Variants in WDR48 observed in about 807,000 individuals in gnomAD.
WDR48 encodes WD repeat domain 48, also known as WD repeat-containing protein 48.
WDR48 carries 22 observed loss-of-function variants against 94.0 expected under a neutral mutation model. That is an observed-to-expected ratio of 0.23 (90% CI 0.17 to 0.33). The LOEUF is 0.33. Ranked by LOEUF, WDR48 falls within the 10% of genes least tolerant of loss-of-function variation. The pLI is 1.00. For missense variants in WDR48, 541 were observed against 813.8 expected, an observed-to-expected ratio of 0.66 and a Z score of 4.08; for synonymous variants, 278 against 280.5, an observed-to-expected ratio of 0.99 and a Z score of 0.09.
chr3:39,065,714 A>G, intron 2 of WDR48, 97 bp from the exon 3 acceptor site: 2 of 832,492 alleles, frequency 2.4e-6, no homozygotes, highest in South Asian at 2.0e-5. Context: ...TGCCTAGAGC[A>G]GTATGTCACA....
At chr3:39,065,697 G>GT (rs2033561247) in intron 2 of WDR48, 114 bp from the exon 3 acceptor site, 2 of 649,892 alleles carry the variant, frequency 3.1e-6, no homozygotes, top group East Asian at 6.5e-5. Context: ...TCAGGTGTTA[G>GT]TTTTAATGCC....
chr3:39,056,782 A>G (rs1423958493), intron 1 of WDR48, among the ~76,000 whole-genome samples: 1 of 152,218 alleles, frequency 6.6e-6, no homozygotes, highest in Admixed American at 6.5e-5. Context: ...TTCTTAAGGT[A>G]TTGGGGATGT....
chr3:39,077,464 C>G (rs1053054519), intron 9 of WDR48, among the ~76,000 whole-genome samples: 3 of 152,160 alleles, frequency 2.0e-5, no homozygotes, highest in African/African-American at 7.2e-5. Flanking sequence ...TTAGAATAGA[C>G]ACTGTTGCCT....
intron 1 of WDR48, among the ~76,000 whole-genome samples, chr3:39,057,305 T>C (rs187851566): frequency 1.4e-4 from 21 of 152,300 alleles, no homozygotes; most frequent in Admixed American, 5.9e-4. Flanking sequence ...CAAAAAGTTA[T>C]AGGATAAGCA....
chr3:39,066,407 C>T (rs1414261047), intron 3 of WDR48, 141 bp from the exon 4 acceptor site: 2 of 705,620 alleles, frequency 2.8e-6, no homozygotes, highest in East Asian at 2.7e-5. Flanking sequence ...ACAATAGGTT[C>T]TAGAAAGAGC....
At chr3:39,078,335 A>T in intron 10 of WDR48, 96 bp downstream of exon 10, 2 of 831,934 alleles carry the variant, frequency 2.4e-6, no homozygotes, top group South Asian at 3.1e-5. Flanking sequence ...TTTAAATATA[A>T]TCCTGATGTA....
chr3:39,083,342 T>C (rs768064745), intron 11 of WDR48, among the ~76,000 whole-genome samples: 6 of 152,164 alleles, frequency 3.9e-5, no homozygotes, highest in Non-Finnish European at 8.8e-5. Flanking sequence ...GATATTTGGG[T>C]ATTTTTCAGA....
intron 18 of WDR48, chr3:39,094,291 G>GA: frequency 1.4e-6 from 2 of 1,425,234 alleles, no homozygotes; most frequent in Middle Eastern, 2.6e-4. Context: ...TTTCTGACAA[G>GA]AAAAAAGACA....
intron 8 of WDR48, among the ~76,000 whole-genome samples, chr3:39,076,412 C>T (rs1373280358): frequency 6.6e-6 from 1 of 152,160 alleles, no homozygotes; most frequent in Non-Finnish European, 1.5e-5. Flanking sequence ...CTGCAGCTGC[C>T]TGGATCTCTT....
intron 8 of WDR48, among the ~76,000 whole-genome samples, chr3:39,076,739 G>A (rs1036155880): frequency 3.3e-5 from 5 of 152,192 alleles, no homozygotes; most frequent in Non-Finnish European, 7.3e-5. Flanking sequence ...TTACTATGTT[G>A]TTAGGATGTT....
At chr3:39,053,022 A>C (rs1401535138) in intron 1 of WDR48, among the ~76,000 whole-genome samples, 1 of 152,236 alleles carries the variant, frequency 6.6e-6, no homozygotes, top group African/African-American at 2.4e-5. Flanking sequence ...AAAGTATAAT[A>C]ATAATATTAA....
At chr3:39,081,292 T>C (rs1006241597) in intron 11 of WDR48, among the ~76,000 whole-genome samples, 16 of 152,236 alleles carry the variant, frequency 1.1e-4, no homozygotes, top group African/African-American at 3.6e-4. Context: ...GGCAAGTTTC[T>C]TGCTAGGAAA....
At chr3:39,064,180 T>C (rs2033450926) in intron 2 of WDR48, among the ~76,000 whole-genome samples, 1 of 152,136 alleles carries the variant, frequency 6.6e-6, no homozygotes, top group African/African-American at 2.4e-5. Flanking sequence ...ATTGATCTTC[T>C]AATTATGTGC....
chr3:39,055,285 G>C (rs1575384290), intron 1 of WDR48, among the ~76,000 whole-genome samples: 1 of 152,168 alleles, frequency 6.6e-6, no homozygotes, highest in Admixed American at 6.5e-5. Context: ...TCAGGAGTTC[G>C]AGACCAGCCT....
chr3:39,080,353 T>G (rs1417179295), intron 11 of WDR48, among the ~76,000 whole-genome samples: 1 of 152,234 alleles, frequency 6.6e-6, no homozygotes, highest in Non-Finnish European at 1.5e-5. Context: ...GACATCACTA[T>G]GAGCATTAGT....
rs1484108874 is a variant in WDR48 at position 39,078,235 on chromosome 3, T to G, written c.1071T>G (p.Ile357Met). 1 of 1,607,640 alleles carries G rather than the reference T, an allele frequency of 6.2e-7. No homozygotes were observed. Among genetic ancestry groups the G allele is most frequent in the Admixed American group, 1.7e-5 (1 of 59,170 alleles). Residue 357 changes from isoleucine (I) to methionine (M), a missense_variant, in exon 10 of 19, where the codon ATT becomes ATG. Physicochemically the swap from Ile to Met is conservative, Grantham distance 10. Around this residue, in one of 5 missense-constraint regions of WDR48, gnomAD observed 238 missense variants for 285.3 expected, o/e 0.83. Coordinates refer to ENST00000302313, the MANE Select transcript of WDR48 (RefSeq NM_020839.4). ...TTTGTACACAACCTGACCAGGTTAT[T>G]AAAGGTAAGAAAATGGAAGGTACTG... ...TPLCTQPDQV[I>M]KGGASIIQCH...
Position 39,091,630 on chromosome 3 carries a change from T to C in WDR48, c.1674T>C (p.Asn558=). ...QWVIDITVDK[N]MPKFNKIPFY... is the part of the protein sequence containing the mutation. ...TTTAACTTTTACTGTTTCAGAAAAA[T>C]ATGCCCAAATTCAACAAAATTCCTT... The change falls in exon 17 of 19, where the codon AAT becomes AAC. Residue 558 remains asparagine (N), a synonymous_variant. Transcript: ENST00000302313. 1 of 1,604,588 alleles carries C rather than the reference T, an allele frequency of 6.2e-7. No individual in the cohort carries two copies. The highest frequency in any genetic ancestry group is 8.5e-7 in the Non-Finnish European group (1 of 1,177,206).
intron 8 of WDR48, among the ~76,000 whole-genome samples, chr3:39,076,030 ATACTAC>A (rs2034206312): frequency 6.6e-6 from 1 of 152,176 alleles, no homozygotes; most frequent in Non-Finnish European, 1.5e-5. Context: ...AGGCAGAAAA[ATACTAC>A]TACTCCCTTT....
intron 10 of WDR48, among the ~76,000 whole-genome samples, 191 bp from the exon 11 acceptor site, chr3:39,079,520 A>C (rs1409882066): frequency 6.6e-6 from 1 of 152,240 alleles, no homozygotes; most frequent in East Asian, 1.9e-4. Flanking sequence ...GAATGTTTAT[A>C]AATGGACATA....
Sources: allele counts gnomAD v4.1 joint callset (sites outside exome capture counted in the v4.1 genomes callset), GRCh38; gene constraint gnomAD v4.1.1; regional missense constraint gnomAD v4.1.1; transcripts MANE v1.5; gene names NCBI Gene and HGNC (gene_info 2026-07-23, HGNC 2026-07-21).